The following LRMDA variants were observed in gnomAD, a reference collection of about 807,000 sequenced individuals.
The protein encoded by LRMDA is leucine-rich melanocyte differentiation-associated protein.
Under a neutral mutation model 29.8 loss-of-function variants are expected in LRMDA, and 18 were observed. That is an observed-to-expected ratio of 0.60 (90% CI 0.42 to 0.90). The LOEUF is 0.90. LRMDA is among the 40% of genes least tolerant of loss of function. LRMDA has a pLI of 0.00. For missense variants in LRMDA, 273 were observed against 273.9 expected (o/e 1.00, Z 0.02); for synonymous variants, 125 against 109.4 (o/e 1.14, Z -0.89).
intron 2 of LRMDA, among the ~76,000 whole-genome samples, chr10:75,966,812 A>G (rs1399010705): frequency 1.3e-5 from 2 of 152,238 alleles, no homozygotes; most frequent in African/African-American, 4.8e-5. Flanking sequence ...CTTTCAGGCT[A>G]TGCTTACCTT....
At chr10:76,195,605 C>T (rs1851319157) in intron 5 of LRMDA, among the ~76,000 whole-genome samples, 1 of 152,110 alleles carries the variant, frequency 6.6e-6, no homozygotes, top group Admixed American at 6.6e-5. Context: ...CCACAAAGAA[C>T]CCCATAAATT....
At chr10:76,293,232 C>T (rs920855771) in intron 5 of LRMDA, among the ~76,000 whole-genome samples, 3 of 152,310 alleles carry the variant, frequency 2.0e-5, no homozygotes, top group East Asian at 1.9e-4. Context: ...CTGCCCACCT[C>T]GGCCTCCCAA....
chr10:75,775,837 G>T (rs1843304428), intron 2 of LRMDA, among the ~76,000 whole-genome samples: 1 of 152,204 alleles, frequency 6.6e-6, no homozygotes, highest in African/African-American at 2.4e-5. Context: ...GAGATCTCCA[G>T]CGTAGAGGTA....
chr10:76,557,348 A>C lies in LRMDA; in HGVS notation c.*60A>C. 3 of 1,380,008 alleles carry C rather than the reference A, an allele frequency of 2.2e-6. No individual in the cohort carries two copies. Among genetic ancestry groups the C allele is most frequent in the Non-Finnish European group, 3.1e-6 (3 of 974,054 alleles). 85.5% of individuals were successfully genotyped at this position (1,380,008 alleles called of 1,614,324 possible). On this transcript the variant is annotated 3_prime_UTR_variant, in exon 7 of 7. Coordinates refer to ENST00000611255, the MANE Select transcript of LRMDA (RefSeq NM_001305581.2). ...AAATAAAATCAAAAGGGAAATCAAA[A>C]ATAAAGAAAACGCTAAAGAAAAAAC...
chr10:75,456,612 T>G (rs936566740), intron 2 of LRMDA, among the ~76,000 whole-genome samples: 1 of 152,208 alleles, frequency 6.6e-6, no homozygotes, highest in Admixed American at 6.5e-5. Context: ...ACTAGGTAGG[T>G]GCCCCTCTAT....
chr10:75,688,447 C>G (rs888991849), intron 2 of LRMDA, among the ~76,000 whole-genome samples: 3 of 152,180 alleles, frequency 2.0e-5, no homozygotes, highest in African/African-American at 7.2e-5. Flanking sequence ...GAAGTGGAGC[C>G]TGAAGCTGGG....
chr10:75,452,258 T>C (rs1403098663), intron 2 of LRMDA, among the ~76,000 whole-genome samples: 4 of 152,170 alleles, frequency 2.6e-5, no homozygotes, highest in African/African-American at 9.7e-5. Flanking sequence ...GGCGTCTCGA[T>C]GCCCATTTAT....
chr10:75,948,622 A>G (rs984915610), intron 2 of LRMDA, among the ~76,000 whole-genome samples: 3 of 152,172 alleles, frequency 2.0e-5, no homozygotes, highest in East Asian at 1.9e-4. Flanking sequence ...TGTAAAGTCC[A>G]TTAATAATTC....
intron 2 of LRMDA, among the ~76,000 whole-genome samples, chr10:75,537,643 GT>G (rs1457174804): frequency 6.6e-6 from 1 of 152,234 alleles, no homozygotes; most frequent in African/African-American, 2.4e-5. Context: ...ATTTGCAGAT[GT>G]GATCAAAGTA....
chr10:76,517,794 A>C (rs1843076533), intron 6 of LRMDA, among the ~76,000 whole-genome samples: 1 of 151,968 alleles, frequency 6.6e-6, no homozygotes, highest in Non-Finnish European at 1.5e-5. Context: ...AAGTGATCAG[A>C]GTTTAAATGT....
At chr10:75,469,153 G>T (rs1208812926) in intron 2 of LRMDA, among the ~76,000 whole-genome samples, 3 of 151,888 alleles carry the variant, frequency 2.0e-5, no homozygotes, top group Non-Finnish European at 4.4e-5. Context: ...TGGCTCTCTT[G>T]GCTTTTTAGA....
chr10:76,101,385 G>T (rs1849391837), intron 5 of LRMDA, among the ~76,000 whole-genome samples: 1 of 152,166 alleles, frequency 6.6e-6, no homozygotes, highest in Non-Finnish European at 1.5e-5. Context: ...AAAAGTTCTA[G>T]TATGGCAGAA....
chr10:75,595,901 C>A (rs969384335), intron 2 of LRMDA, among the ~76,000 whole-genome samples: 1 of 151,864 alleles, frequency 6.6e-6, no homozygotes. Flanking sequence ...TCATTTTTTT[C>A]TTTTTACTAT....
intron 2 of LRMDA, among the ~76,000 whole-genome samples, chr10:75,476,683 C>A (rs1178459439): frequency 1.3e-5 from 2 of 152,200 alleles, no homozygotes; most frequent in Non-Finnish European, 2.9e-5. Context: ...GCTCCAGCCA[C>A]ATGAACTGAC....
chr10:76,285,618 A>G (rs189655286), intron 5 of LRMDA, among the ~76,000 whole-genome samples: 136 of 152,090 alleles, frequency 8.9e-4, no homozygotes, highest in African/African-American at 3.2e-3. Flanking sequence ...TATGCCCCTG[A>G]GGGTCTTTTA....
chr10:75,964,958 G>A (rs1846831530), intron 2 of LRMDA, among the ~76,000 whole-genome samples: 1 of 152,136 alleles, frequency 6.6e-6, no homozygotes, highest in Non-Finnish European at 1.5e-5. Flanking sequence ...TGGAGATGGG[G>A]TTTCGCCATG....
At chr10:75,653,386 G>A (rs1238454525) in intron 2 of LRMDA, among the ~76,000 whole-genome samples, 1 of 152,164 alleles carries the variant, frequency 6.6e-6, no homozygotes, top group Non-Finnish European at 1.5e-5. Flanking sequence ...TGAAGGAAAA[G>A]TCAAAATTTT....
At chr10:75,785,956 C>A (rs1274821187) in intron 2 of LRMDA, among the ~76,000 whole-genome samples, 1 of 152,122 alleles carries the variant, frequency 6.6e-6, no homozygotes, top group Admixed American at 6.5e-5. Flanking sequence ...TAGCTTGGGC[C>A]CTGCTTGGGC....
At chr10:76,494,460 G>T (rs532576237) in intron 6 of LRMDA, among the ~76,000 whole-genome samples, 163 of 151,452 alleles carry the variant, frequency 1.1e-3, no homozygotes, top group African/African-American at 3.7e-3. Context: ...TCCATAGCAT[G>T]ATGTCACCTC....
Sources: allele counts gnomAD v4.1 joint callset (sites outside exome capture counted in the v4.1 genomes callset), GRCh38; gene constraint gnomAD v4.1.1; transcripts MANE v1.5; gene names NCBI Gene and HGNC (gene_info 2026-07-23, HGNC 2026-07-21).